TBC1D30: variants seen among roughly 807,000 people sequenced by gnomAD.
TBC1D30 encodes the protein TBC1 domain family member 30, also known as TBC1 domain family, member 30.
TBC1D30 carries 31 observed loss-of-function variants against 63.2 expected under a neutral mutation model. The observed-to-expected ratio is 0.49, with a 90% confidence interval of 0.37 to 0.66. TBC1D30 has a LOEUF of 0.66. Ranked by LOEUF, TBC1D30 falls within the 30% of genes least tolerant of loss-of-function variation. The probability of loss-of-function intolerance (pLI) is 0.00; values close to 1 mark genes in which losing one functional copy is unlikely to be tolerated. For missense variants in TBC1D30, 810 were observed against 953.6 expected (o/e 0.85, Z 1.98); for synonymous variants, 307 against 361.5 (o/e 0.85, Z 1.71).
intron 8 of TBC1D30, among the ~76,000 whole-genome samples, chr12:64,862,866 A>C (rs1877906360): frequency 6.6e-6 from 1 of 152,134 alleles, no homozygotes; most frequent in Non-Finnish European, 1.5e-5. Flanking sequence ...ATCACATTTG[A>C]TATGTGATGG....
intron 8 of TBC1D30, among the ~76,000 whole-genome samples, chr12:64,849,697 C>T (rs568066543): frequency 6.6e-6 from 1 of 152,148 alleles, no homozygotes; most frequent in East Asian, 1.9e-4. Context: ...AGTTTGAAGT[C>T]GGGGTAGTGT....
At chr12:64,829,410 A>T (rs957361768) in intron 3 of TBC1D30, among the ~76,000 whole-genome samples, 15 of 152,258 alleles carry the variant, frequency 9.9e-5, no homozygotes, top group African/African-American at 3.4e-4. Context: ...TATAAAAGGG[A>T]TGTCAAAGAT....
chr12:64,797,028 CAAAAAAAAA>C (rs552416081), intron 2 of TBC1D30, among the ~76,000 whole-genome samples: 112 of 75,142 alleles, frequency 1.5e-3, no homozygotes, highest in Non-Finnish European at 2.5e-3. Context: ...TTCTCCTCTG[CAAAAAAAAA>C]AAAAAAAAAA....
chr12:64,797,370 A>C (rs961411560), intron 2 of TBC1D30, among the ~76,000 whole-genome samples: 36 of 151,888 alleles, frequency 2.4e-4, no homozygotes, highest in African/African-American at 8.7e-4. Flanking sequence ...TTTCTTACTA[A>C]CTCTGCTTAG....
At chr12:64,860,450 G>T (rs138261653) in intron 8 of TBC1D30, among the ~76,000 whole-genome samples, 1 of 151,964 alleles carries the variant, frequency 6.6e-6, no homozygotes, top group African/African-American at 2.4e-5. Flanking sequence ...TACTGCACCC[G>T]CTGCTTTTAA....
At position 64,807,918 on chromosome 12, in the gene TBC1D30, G is replaced by GTTTTTTTTTTTTTTTTTTTTTTTT. The variant is rs774145443; in HGVS notation, c.644-19900_644-19899insTTTTTTTTTTTTTTTTTTTTTTTT. ...GCCCATGCCACCCTGCCTAATTTAAGTTTTTTTTTTTTTTTTTGTAGAGCT... is the reference window on the plus strand; with the variant it reads ...GCCCATGCCACCCTGCCTAATTTAAGTTTTTTTTTTTTTTTTTTTTTTTTTTTTTTTTTTTTTTTTTGTAGAGCT... On this transcript the variant is annotated intron_variant, in intron 2 of 12. Coordinates refer to the TBC1D30 transcript ENST00000542120. Among the ~76,000 whole-genome samples the GTTTTTTTTTTTTTTTTTTTTTTTT allele has an allele frequency of 2.6e-4, 24 of 93,500 alleles. 4 individuals carry two copies. The highest frequency in any genetic ancestry group is 7.2e-4 in the African/African-American group (13 of 18,122). The allele number at this position is 93,500 out of a possible 152,430, so 61.3% of individuals were successfully genotyped here.
At chr12:64,850,504 G>A (rs548514313) in intron 8 of TBC1D30, among the ~76,000 whole-genome samples, 6 of 152,210 alleles carry the variant, frequency 3.9e-5, no homozygotes, top group East Asian at 1.9e-4. Flanking sequence ...GAATTTTGTC[G>A]AAGGCCTTTT....
chr12:64,850,702 C>T (rs550626074), intron 8 of TBC1D30, among the ~76,000 whole-genome samples: 23 of 152,096 alleles, frequency 1.5e-4, no homozygotes, highest in South Asian at 1.0e-3. Context: ...ATTTTTGCAT[C>T]GATGTTCATT....
At chr12:64,763,395 GAT>G (rs1329492273) in intron 1 of TBC1D30, among the ~76,000 whole-genome samples, 1 of 152,118 alleles carries the variant, frequency 6.6e-6, no homozygotes, top group African/African-American at 2.4e-5. Context: ...GCTTTATTGA[GAT>G]ATAATTGACA....
intron 1 of TBC1D30, 68 bp downstream of exon 1, chr12:64,825,101 A>T: frequency 6.8e-7 from 1 of 1,480,924 alleles, no homozygotes; most frequent in Admixed American, 2.2e-5. Flanking sequence ...CTTCTGCCTT[A>T]GCCTGACTCC....
chr12:64,840,028 A>AAAAAAAAAAAAAAAAAAC (rs1875732144), intron 7 of TBC1D30, among the ~76,000 whole-genome samples: 1 of 141,828 alleles, frequency 7.1e-6, no homozygotes, highest in African/African-American at 2.6e-5. Context: ...AAAAAAAAAA[A>AAAAAAAAAAAAAAAAAAC]TCCACCAACT....
upstream of TBC1D30, chr12:64,824,633 C>T (rs947037512): frequency 4.9e-6 from 2 of 404,912 alleles, no homozygotes; most frequent in African/African-American, 2.1e-5. Context: ...CCGCCTCGAG[C>T]GATCTCCTGC....
At chr12:64,781,280 C>A in exon 1 of TBC1D30, 1 of 1,140,322 alleles carries the variant, frequency 8.8e-7, no homozygotes, top group Non-Finnish European at 1.1e-6. Context: ...GTACCTGCGG[C>A]AGAAAGGTGA....
In TBC1D30 at chr12:64,879,361, AG is replaced by A. The variant is rs1179540594; in HGVS notation, c.*3574del. 4 of 152,250 alleles carry A rather than the reference AG, an allele frequency of 2.6e-5. No individual in the cohort carries two copies. Among genetic ancestry groups the A allele is most frequent in the African/African-American group, 9.6e-5 (4 of 41,470 alleles). The allele number at this position is 152,250 out of a possible 1,614,324, so 9.4% of individuals were successfully genotyped here. The stretch of plus-strand genomic sequence containing the variant: ...AGGAGGTTTCTGATTAGATAGTAGT[AG>A]AGACAGTATCCTGTTACATGTATGT... On this transcript the variant is annotated 3_prime_UTR_variant, in exon 12 of 12. Transcript: ENST00000539867.
At chr12:64,872,401 A>G (rs1878724976) in intron 11 of TBC1D30, among the ~76,000 whole-genome samples, 1 of 152,178 alleles carries the variant, frequency 6.6e-6, no homozygotes, top group South Asian at 2.1e-4. Context: ...TTCACACTAC[A>G]GTGGCTAAAA....
intron 2 of TBC1D30, among the ~76,000 whole-genome samples, chr12:64,816,632 G>T (rs1873555553): frequency 6.6e-6 from 1 of 152,218 alleles, no homozygotes; most frequent in African/African-American, 2.4e-5. Context: ...TCCTTTCACA[G>T]CATCCCCGAC....
chr12:64,847,215 G>T (rs571635939), intron 8 of TBC1D30, among the ~76,000 whole-genome samples: 9 of 151,204 alleles, frequency 6.0e-5, no homozygotes, highest in African/African-American at 2.2e-4. Context: ...TTGATTTTCT[G>T]TGGTATCAGT....
At chr12:64,838,511 G>A (rs1216905736) in intron 6 of TBC1D30, among the ~76,000 whole-genome samples, 172 bp from the exon 7 acceptor site, 1 of 152,180 alleles carries the variant, frequency 6.6e-6, no homozygotes, top group East Asian at 1.9e-4. Flanking sequence ...AAGCATACCT[G>A]TGTTCTTCCA....
exon 1 of TBC1D30, chr12:64,781,223 G>C: frequency 8.8e-7 from 1 of 1,133,352 alleles, no homozygotes; most frequent in Non-Finnish European, 1.1e-6. Flanking sequence ...CGACTCCCGC[G>C]TGCTGCAGGA....
Sources: allele counts gnomAD v4.1 joint callset (sites outside exome capture counted in the v4.1 genomes callset), GRCh38; gene constraint gnomAD v4.1.1; transcripts MANE v1.5; gene names NCBI Gene and HGNC (gene_info 2026-07-23, HGNC 2026-07-21).